TRIOBP: variants seen among roughly 807,000 people sequenced by gnomAD.
TRIOBP encodes the protein TRIO and F-actin-binding protein.
In TRIOBP, 169 loss-of-function variants were observed where a neutral mutation model predicts 238.8. That is an observed-to-expected ratio of 0.71 (90% CI 0.62 to 0.80). The LOEUF (loss-of-function observed/expected upper bound fraction) is 0.80. TRIOBP is among the 30% of genes least tolerant of loss of function. The pLI, the probability that TRIOBP is intolerant of heterozygous loss-of-function variation, is 0.00. For missense variants in TRIOBP, 2,838 were observed against 3,122.6 expected (o/e 0.91, Z 2.17); for synonymous variants, 1,150 against 1,274.4 (o/e 0.90, Z 2.08).
At chr22:37,770,829 CCCGCCACCA>C (rs1210448172) in intron 21 of TRIOBP, among the ~76,000 whole-genome samples, 1 of 152,060 alleles carries the variant, frequency 6.6e-6, no homozygotes, top group Admixed American at 6.5e-5. Context: ...ACTACAGGCA[CCCGCCACCA>C]CACCTGGCTA....
chr22:37,709,102 G>C (rs1923101120), intron 3 of TRIOBP, among the ~76,000 whole-genome samples: 1 of 152,202 alleles, frequency 6.6e-6, no homozygotes, highest in South Asian at 2.1e-4. Flanking sequence ...CTGCAGGGCA[G>C]GGGGTGAAAC....
rs765554341 is a variant in TRIOBP at position 37,723,233 on chromosome 22, G to T, written c.677G>T (p.Arg226Leu). ...GCAGGACAGCACTGGGCAAGGCTCCGGGGAGAAAGCGGGTTGTCCCTGGAG... is the reference window on the plus strand; with the variant it reads ...GCAGGACAGCACTGGGCAAGGCTCCTGGGAGAAAGCGGGTTGTCCCTGGAG... ...RSAGQHWARL[R>L]GESGLSLERH... Residue 226 changes from arginine to leucine, a missense_variant, in exon 7 of 24, where the codon CGG becomes CTG. Arg to Leu is a moderately radical substitution (Grantham distance 102). Transcript: ENST00000644935. 3 of 1,613,780 alleles carry T rather than the reference G, an allele frequency of 1.9e-6. No individual in the cohort carries two copies. Among genetic ancestry groups the T allele is most frequent in the East Asian group, 4.5e-5 (2 of 44,888 alleles).
intron 11 of TRIOBP, chr22:37,750,632 C>A (rs1458791249): frequency 2.1e-6 from 1 of 471,112 alleles, no homozygotes; most frequent in East Asian, 6.9e-5. Flanking sequence ...TGTGTCTCTC[C>A]CTTAGACAGG....
Position 37,726,265 on chromosome 22 carries a change from C to T in TRIOBP, c.3709C>T (p.Leu1237=). The T allele has an allele frequency of 6.2e-7, 1 of 1,612,956 alleles. No homozygotes were observed. Among genetic ancestry groups the T allele is most frequent in the Admixed American group, 1.7e-5 (1 of 59,990 alleles). ...SSPPRHPPSD[L]AFLAPSPSPG... ...CCCACCCCGCCACCCACCCAGTGAC[C>T]TAGCGTTCCTGGCACCCTCACCTTC... Residue 1237 remains leucine, a synonymous_variant, in exon 7 of 24, where the codon CTA becomes TTA. Transcript: ENST00000644935.
At chr22:37,727,608 CAGTGAGCCGAGATCGT>C (rs918167744) in intron 7 of TRIOBP, among the ~76,000 whole-genome samples, 1 of 152,132 alleles carries the variant, frequency 6.6e-6, no homozygotes, top group Non-Finnish European at 1.5e-5. Context: ...GCGGAGCTTG[CAGTGAGCCGAGATCGT>C]ACCACTGCAC....
At chr22:37,761,075 T>C (rs1415331500) in intron 17 of TRIOBP, among the ~76,000 whole-genome samples, 3 of 151,836 alleles carry the variant, frequency 2.0e-5, no homozygotes, top group African/African-American at 4.8e-5. Flanking sequence ...ATGAGGGGGC[T>C]CTCAGGAAGG....
chr22:37,755,230 A>G (rs1001183789), intron 14 of TRIOBP, 40 bp downstream of exon 14: 4 of 1,587,446 alleles, frequency 2.5e-6, no homozygotes, highest in African/African-American at 1.3e-5. Context: ...GGTGGGCAGC[A>G]TGGCTGGAGG....
intron 6 of TRIOBP, among the ~76,000 whole-genome samples, chr22:37,719,988 T>TCACACTGCACTCCCTGTTTCACTCATC (rs1555895416): frequency 3.2e-5 from 1 of 30,886 alleles, no homozygotes; most frequent in African/African-American, 1.2e-4. Flanking sequence ...GTTTCACTCA[T>TCACACTGCACTCCCTGTTTCACTCATC]CCCCCCCCGC....
At chr22:37,763,897 C>T (rs1323845847) in intron 17 of TRIOBP, among the ~76,000 whole-genome samples, 5 of 152,216 alleles carry the variant, frequency 3.3e-5, no homozygotes, top group South Asian at 2.1e-4. Context: ...TGCAGGCACC[C>T]GTTGTATCCC....
At chr22:37,759,798 G>A (rs1286796662) in intron 17 of TRIOBP, 1 of 1,344,578 alleles carries the variant, frequency 7.4e-7, no homozygotes, top group Non-Finnish European at 9.6e-7. Context: ...ACATTTGGCT[G>A]TGTCTGGGAA....
intron 3 of TRIOBP, among the ~76,000 whole-genome samples, chr22:37,707,322 G>A (rs1922997544): frequency 6.6e-6 from 1 of 152,110 alleles, no homozygotes; most frequent in Non-Finnish European, 1.5e-5. Context: ...GATGGCAACT[G>A]CCTCTTCCAG....
chr22:37,707,240 C>T (rs1481926732), intron 3 of TRIOBP, among the ~76,000 whole-genome samples: 2 of 152,078 alleles, frequency 1.3e-5, no homozygotes, highest in African/African-American at 4.8e-5. Context: ...CTGGCCACCG[C>T]ACTCCAGCCT....
At chr22:37,722,191 C>T (rs78467364) in intron 6 of TRIOBP, among the ~76,000 whole-genome samples, 213 of 67,144 alleles carry the variant, frequency 3.2e-3, no homozygotes, top group Non-Finnish European at 7.3e-3. Context: ...AGGGTAGGAA[C>T]ATTTGGATAC....
chr22:37,705,628 T>C (rs558622251), intron 3 of TRIOBP, among the ~76,000 whole-genome samples: 142 of 151,920 alleles, frequency 9.3e-4, no homozygotes, highest in Admixed American at 2.6e-3. Context: ...CAGGCTGGAG[T>C]GCAGAGGCGT....
At chr22:37,715,116 G>A (rs1405076378) in intron 5 of TRIOBP, among the ~76,000 whole-genome samples, 2 of 152,124 alleles carry the variant, frequency 1.3e-5, no homozygotes, top group Admixed American at 1.3e-4. Context: ...CCAGGTTCAA[G>A]CGATTCGCCT....
rs561591855 is a variant in TRIOBP, at chr22:37,772,822, C to T, written c.*2+58C>T. ...GCAGGGGCTGAGGCTCTCCCACACC[C>T]GGGACTCCCTGGACCACCCCAGCCA... is the stretch of plus-strand genomic sequence containing the variant. On this transcript the variant is annotated intron_variant, in intron 23 of 23. Transcript: ENST00000644935. 106 of 1,587,720 alleles carry T rather than the reference C, an allele frequency of 6.7e-5. No homozygotes were observed. The East Asian group carries it at 2.1e-3, about 31-fold the overall frequency.
In TRIOBP at chr22:37,765,834, G is replaced by GT. The variant is rs778551400; in HGVS notation, c.6472+17_6472+18insT. On this transcript the variant is annotated intron_variant, in intron 18 of 23. Transcript: ENST00000644935. Reference sequence around the variant, plus strand: ...CGGCCTCAGGTATGGACCCTGGGGGGGGCACAGTGGGCTGGGCTCTGAGCC... The same window carrying GT: ...CGGCCTCAGGTATGGACCCTGGGGGGTGGCACAGTGGGCTGGGCTCTGAGCC... 5.2e-5 allele frequency: 82 copies of GT among 1,584,594 alleles called. No homozygotes were observed. The Admixed American group carries it at 1.0e-3, about 19-fold the overall frequency.
At position 37,746,290 on chromosome 22, in the gene TRIOBP, CGCGGCGGCGGGCGGCCGAGAGGG is replaced by C. The variant is rs781008623; in HGVS notation, c.5322+5269_5322+5291del. 17 of 1,084,662 alleles carry C rather than the reference CGCGGCGGCGGGCGGCCGAGAGGG, an allele frequency of 1.6e-5. No individual in the cohort carries two copies. The African/African-American group carries it at 1.9e-4, about 12-fold the overall frequency. 67.2% of individuals were successfully genotyped at this position (1,084,662 alleles called of 1,614,324 possible). ...CGTCGGGGAAAGGAAGGGCCGGAGG[CGCGGCGGCGGGCGGCCGAGAGGG>C]GCGGCGGCGGCGGCGGCGGCGGGGT... On this transcript the variant is annotated intron_variant, in intron 11 of 23. Transcript: ENST00000644935.
intron 2 of TRIOBP, among the ~76,000 whole-genome samples, chr22:37,698,027 G>A (rs771959299): frequency 1.3e-5 from 2 of 151,552 alleles, no homozygotes; most frequent in African/African-American, 2.4e-5. Flanking sequence ...GTGAAACCTC[G>A]TCTCTACCAA....
Sources: gnomAD v4.1 joint callset for allele counts (sites outside exome capture counted in the v4.1 genomes callset) on GRCh38, gnomAD v4.1.1 for gene constraint, MANE v1.5 for transcripts, NCBI Gene and HGNC (gene_info 2026-07-23, HGNC 2026-07-21) for gene names.